CTNND2: variants seen among roughly 807,000 people sequenced by gnomAD.
CTNND2 encodes the protein catenin delta 2.
CTNND2 carries 22 observed loss-of-function variants against 144.4 expected under a neutral mutation model. The ratio of observed to expected loss-of-function variants is 0.15; its 90% CI spans 0.11 to 0.22. CTNND2 has a LOEUF of 0.22. Among genes scored for constraint, CTNND2 ranks in the 10% least tolerant of loss-of-function variants. The pLI is 1.00. For missense variants in CTNND2, 1,353 were observed against 1,618.8 expected, an observed-to-expected ratio of 0.84 and a Z score of 2.82; for synonymous variants, 751 against 695.6, an observed-to-expected ratio of 1.08 and a Z score of -1.25.
At chr5:11,295,207 A>G (rs963134871) in intron 9 of CTNND2, among the ~76,000 whole-genome samples, 2 of 152,208 alleles carry the variant, frequency 1.3e-5, no homozygotes, top group Non-Finnish European at 2.9e-5. Context: ...CAAAGAGCCA[A>G]ATCATGAGTG....
At chr5:11,637,031 G>C (rs1267900727) in intron 2 of CTNND2, among the ~76,000 whole-genome samples, 1 of 152,146 alleles carries the variant, frequency 6.6e-6, no homozygotes, top group Non-Finnish European at 1.5e-5. Context: ...ATTACCTCAA[G>C]TAGATGGCAA....
chr5:11,532,074 G>C (rs1371944025), intron 3 of CTNND2, among the ~76,000 whole-genome samples: 1 of 152,010 alleles, frequency 6.6e-6, no homozygotes, highest in Non-Finnish European at 1.5e-5. Context: ...TCCAGGAATG[G>C]CTCACATCTA....
At chr5:11,638,282 AGCC>A (rs566068674) in intron 2 of CTNND2, among the ~76,000 whole-genome samples, 49 of 152,316 alleles carry the variant, frequency 3.2e-4, no homozygotes, top group African/African-American at 1.1e-3. Context: ...CTCCTCAGAA[AGCC>A]AGTAACACTT....
At chr5:11,445,925 C>CA (rs1452750521) in intron 3 of CTNND2, among the ~76,000 whole-genome samples, 1 of 152,192 alleles carries the variant, frequency 6.6e-6, no homozygotes, top group East Asian at 1.9e-4. Context: ...ACACAGACAA[C>CA]ATGTATCAGA....
At chr5:11,282,331 C>T (rs1747237103) in intron 9 of CTNND2, among the ~76,000 whole-genome samples, 1 of 152,096 alleles carries the variant, frequency 6.6e-6, no homozygotes, top group African/African-American at 2.4e-5. Flanking sequence ...TTTTAAGTGC[C>T]CAGAGAAGAT....
intron 21 of CTNND2, among the ~76,000 whole-genome samples, chr5:10,981,468 G>A (rs1378875956): frequency 6.6e-6 from 1 of 152,094 alleles, no homozygotes; most frequent in African/African-American, 2.4e-5. Flanking sequence ...ACATCTTACA[G>A]TTGTCTATTT....
rs536942170 is a variant in CTNND2 at position 11,309,798 on chromosome 5, G to A, written c.1628+36574C>T. On this transcript the variant is annotated intron_variant, in intron 9 of 21. Transcript: ENST00000304623. ...TCAAATTGTAATTCACAGTGTTGGAGGAGGGGCTTGCTGGGAGGTGATTGG... is the reference window on the plus strand; with the variant it reads ...TCAAATTGTAATTCACAGTGTTGGAAGAGGGGCTTGCTGGGAGGTGATTGG... 2.0e-5 allele frequency among the ~76,000 whole-genome samples: 3 copies of A among 152,268 alleles called. No homozygotes were observed. In the East Asian group the frequency reaches 5.8e-4, roughly 29 times the overall value.
At chr5:11,258,927 A>G (rs549184836) in intron 9 of CTNND2, among the ~76,000 whole-genome samples, 110 of 152,228 alleles carry the variant, frequency 7.2e-4, no homozygotes, top group African/African-American at 2.4e-3. Flanking sequence ...CCTATTCTTC[A>G]TCTATCCCCA....
At chr5:11,158,515 C>T (rs375200425) in intron 12 of CTNND2, among the ~76,000 whole-genome samples, 7 of 152,168 alleles carry the variant, frequency 4.6e-5, no homozygotes, top group Admixed American at 3.9e-4. Flanking sequence ...TGCCCATGAA[C>T]GCATGTAGAT....
intron 3 of CTNND2, among the ~76,000 whole-genome samples, chr5:11,563,689 C>A (rs61763046): frequency 1.8e-4 from 27 of 151,822 alleles, no homozygotes; most frequent in African/African-American, 6.0e-4. Flanking sequence ...AATAATATTC[C>A]ATCCACGTGG....
chr5:11,058,796 G>A (rs1746613799), intron 16 of CTNND2, among the ~76,000 whole-genome samples: 1 of 152,208 alleles, frequency 6.6e-6, no homozygotes, highest in Admixed American at 6.5e-5. Flanking sequence ...CAGGGGTGAA[G>A]CTGCCCAAGA....
At chr5:11,553,063 T>C (rs1210525594) in intron 3 of CTNND2, among the ~76,000 whole-genome samples, 3 of 152,228 alleles carry the variant, frequency 2.0e-5, no homozygotes, top group East Asian at 3.8e-4. Flanking sequence ...CTCTTGCTGT[T>C]TGCTGTTTGA....
intron 2 of CTNND2, among the ~76,000 whole-genome samples, chr5:11,619,556 G>A (rs572381497): frequency 1.3e-5 from 2 of 152,224 alleles, no homozygotes; most frequent in Admixed American, 6.5e-5. Context: ...CCTATGTACA[G>A]GAGTCTCTGT....
At chr5:11,548,744 C>T (rs1314130519) in intron 3 of CTNND2, among the ~76,000 whole-genome samples, 1 of 152,166 alleles carries the variant, frequency 6.6e-6, no homozygotes, top group African/African-American at 2.4e-5. Flanking sequence ...AGAAAAACCA[C>T]TCGTTTCTTT....
chr5:11,819,090 A>G (rs1309203639), intron 1 of CTNND2, among the ~76,000 whole-genome samples: 3 of 152,214 alleles, frequency 2.0e-5, no homozygotes, highest in African/African-American at 7.2e-5. Context: ...GTATCTGTAC[A>G]GTAGACATTC....
chr5:11,666,248 G>A (rs1783564021), intron 2 of CTNND2, among the ~76,000 whole-genome samples: 1 of 152,146 alleles, frequency 6.6e-6, no homozygotes, highest in Admixed American at 6.6e-5. Context: ...GACTCTCATA[G>A]GATTGTCTAA....
At chr5:11,844,187 T>C (rs969632436) in intron 1 of CTNND2, among the ~76,000 whole-genome samples, 2 of 152,292 alleles carry the variant, frequency 1.3e-5, no homozygotes, top group East Asian at 3.9e-4. Context: ...CTAAAGCCCA[T>C]GCATATTTAT....
At chr5:11,111,473 C>T (rs557912849) in intron 13 of CTNND2, among the ~76,000 whole-genome samples, 2 of 152,204 alleles carry the variant, frequency 1.3e-5, no homozygotes, top group Admixed American at 6.5e-5. Context: ...ATTTACTGCC[C>T]ACCGGAGCAT....
At chr5:11,690,317 T>G (rs943781678) in intron 2 of CTNND2, among the ~76,000 whole-genome samples, 1 of 152,116 alleles carries the variant, frequency 6.6e-6, no homozygotes, top group Non-Finnish European at 1.5e-5. Context: ...AAAAAAACTT[T>G]CAAACGTTAC....
Sources: gnomAD v4.1 joint callset for allele counts (sites outside exome capture counted in the v4.1 genomes callset) on GRCh38, gnomAD v4.1.1 for gene constraint, MANE v1.5 for transcripts, NCBI Gene and HGNC (gene_info 2026-07-23, HGNC 2026-07-21) for gene names.